The following RBFOX1 variants were observed in gnomAD, a reference collection of about 807,000 sequenced individuals.
RBFOX1 encodes RNA binding fox-1 homolog 1, also known as RNA binding protein fox-1 homolog 1.
Under a neutral mutation model 57.7 loss-of-function variants are expected in RBFOX1, and 8 were observed. The observed-to-expected ratio is 0.14, with a 90% CI of 0.08 to 0.25. The LOEUF (loss-of-function observed/expected upper bound fraction) is 0.25, where lower values mean the gene tolerates loss of function less well. Ranked by LOEUF, RBFOX1 falls within the 10% of genes least tolerant of loss-of-function variation. RBFOX1 has a pLI of 1.00. For missense variants in RBFOX1, 611 were observed against 548.5 expected (o/e 1.11, Z -1.14); for synonymous variants, 326 against 222.4 (o/e 1.47, Z -4.15).
chr16:6,900,073 T>C (rs1567786707), intron 3 of RBFOX1, among the ~76,000 whole-genome samples: 1 of 152,198 alleles, frequency 6.6e-6, no homozygotes. Context: ...TTAATACTCA[T>C]AAAATGCTTA....
chr16:6,530,130 C>T (rs1380255684), intron 2 of RBFOX1, among the ~76,000 whole-genome samples: 2 of 152,136 alleles, frequency 1.3e-5, no homozygotes, highest in Non-Finnish European at 2.9e-5. Flanking sequence ...TGGTGTTTTT[C>T]TTTCCTCCCC....
At chr16:7,663,131 G>A (rs1218963280) in intron 12 of RBFOX1, among the ~76,000 whole-genome samples, 1 of 152,176 alleles carries the variant, frequency 6.6e-6, no homozygotes, top group Non-Finnish European at 1.5e-5. Flanking sequence ...CTAAATATCT[G>A]TTGCTCCCTC....
intron 4 of RBFOX1, among the ~76,000 whole-genome samples, chr16:7,148,029 A>G (rs1189573232): frequency 6.6e-6 from 1 of 152,224 alleles, no homozygotes; most frequent in Non-Finnish European, 1.5e-5. Context: ...CTTCAAGATC[A>G]GAGGCCAAAT....
intron 15 of RBFOX1, 80 bp downstream of exon 15, chr16:7,709,211 C>G (rs895641113): frequency 5.4e-6 from 7 of 1,299,116 alleles, no homozygotes; most frequent in African/African-American, 1.5e-5. Flanking sequence ...TACGGGTTGA[C>G]GTCCTCTCAC....
intron 4 of RBFOX1, among the ~76,000 whole-genome samples, chr16:7,374,404 C>T (rs1293946760): frequency 6.6e-6 from 1 of 152,152 alleles, no homozygotes; most frequent in Non-Finnish European, 1.5e-5. Context: ...TTGCTTATTG[C>T]TAGTTATGCT....
intron 4 of RBFOX1, among the ~76,000 whole-genome samples, chr16:7,291,420 G>A (rs2095770926): frequency 6.6e-6 from 1 of 152,132 alleles, no homozygotes; most frequent in African/African-American, 2.4e-5. Flanking sequence ...ATAATGTGAT[G>A]TGCTAGTATA....
chr16:6,916,846 G>A (rs1384232066), intron 3 of RBFOX1, among the ~76,000 whole-genome samples: 1 of 151,938 alleles, frequency 6.6e-6, no homozygotes, highest in Non-Finnish European at 1.5e-5. Flanking sequence ...TTATTTGTTT[G>A]TTTTTGTTTT....
intron 3 of RBFOX1, among the ~76,000 whole-genome samples, chr16:6,768,145 A>C (rs1020742981): frequency 1.3e-5 from 2 of 151,764 alleles, no homozygotes; most frequent in African/African-American, 4.8e-5. Context: ...TGCAGTGAGC[A>C]GAGATTGTAA....
intron 3 of RBFOX1, among the ~76,000 whole-genome samples, chr16:5,711,332 G>A (rs772820191): frequency 6.6e-6 from 1 of 152,178 alleles, no homozygotes; most frequent in Non-Finnish European, 1.5e-5. Flanking sequence ...AGTGGCCCAA[G>A]GTCACACAGC....
chr16:6,562,211 C>G (rs2153917539), intron 2 of RBFOX1, among the ~76,000 whole-genome samples: 1 of 152,312 alleles, frequency 6.6e-6, no homozygotes, highest in Non-Finnish European at 1.5e-5. Context: ...GGTGCCAGCC[C>G]TCTGAACTTG....
chr16:6,167,006 C>T (rs1017211981), intron 1 of RBFOX1, among the ~76,000 whole-genome samples: 3 of 152,152 alleles, frequency 2.0e-5, no homozygotes, highest in Non-Finnish European at 2.9e-5. Flanking sequence ...AACTCCTGAC[C>T]TCATGTTCTG....
At chr16:6,805,099 C>A (rs114982313) in intron 3 of RBFOX1, among the ~76,000 whole-genome samples, 1 of 152,112 alleles carries the variant, frequency 6.6e-6, no homozygotes, top group Non-Finnish European at 1.5e-5. Context: ...CGTGAATGTT[C>A]ACTGCAGCAT....
chr16:5,976,551 G>A (rs1258093415), intron 4 of RBFOX1, among the ~76,000 whole-genome samples: 1 of 152,068 alleles, frequency 6.6e-6, no homozygotes, highest in African/African-American at 2.4e-5. Context: ...GGAACATCAC[G>A]GTCTCTATCC....
At chr16:6,911,029 C>A (rs777385931) in intron 3 of RBFOX1, among the ~76,000 whole-genome samples, 5 of 151,816 alleles carry the variant, frequency 3.3e-5, no homozygotes, top group Non-Finnish European at 7.4e-5. Flanking sequence ...GGTGAAACCC[C>A]GTCTCTACCA....
At chr16:6,692,916 G>C (rs1334684318) in intron 3 of RBFOX1, among the ~76,000 whole-genome samples, 5 of 146,730 alleles carry the variant, frequency 3.4e-5, no homozygotes, top group African/African-American at 5.1e-5. Context: ...CATCTTCATA[G>C]TACTACCATC....
At chr16:6,590,809 A>C (rs564447491) in intron 2 of RBFOX1, among the ~76,000 whole-genome samples, 1 of 151,058 alleles carries the variant, frequency 6.6e-6, no homozygotes, top group East Asian at 2.0e-4. Flanking sequence ...GTTTCATAAT[A>C]CATGGACAGC....
At chr16:7,209,233 A>G (rs1208149348) in intron 4 of RBFOX1, among the ~76,000 whole-genome samples, 2 of 151,720 alleles carry the variant, frequency 1.3e-5, no homozygotes, top group Non-Finnish European at 2.9e-5. Context: ...TACTTGGGAG[A>G]CTGAGGCAGG....
At chr16:6,377,883 G>A (rs1328389609) in intron 2 of RBFOX1, among the ~76,000 whole-genome samples, 2 of 152,154 alleles carry the variant, frequency 1.3e-5, no homozygotes, top group African/African-American at 4.8e-5. Flanking sequence ...CCTGCTCCCA[G>A]CTGAGCCGGG....
Position 7,667,450 on chromosome 16 carries a change from T to C in RBFOX1, c.930+2482T>C, listed in dbSNP as rs112454633. 4.8e-3 allele frequency among the ~76,000 whole-genome samples: 731 copies of C among 152,350 alleles called. 8 individuals are homozygous for C. The highest frequency in any genetic ancestry group is 0.017 in the African/African-American group (708 of 41,592). ...AGCCACTACCCTACCTCCCTTGAGA[T>C]ACCAGCATGTTCTGATGAGTGGAAA... On this transcript the variant is annotated intron_variant, in intron 13 of 15. Coordinates refer to ENST00000550418, the MANE Select transcript of RBFOX1 (RefSeq NM_018723.4).
Sources: gnomAD v4.1 joint callset for allele counts (sites outside exome capture counted in the v4.1 genomes callset) on GRCh38, gnomAD v4.1.1 for gene constraint, MANE v1.5 for transcripts, NCBI Gene and HGNC (gene_info 2026-07-23, HGNC 2026-07-21) for gene names.